VPS53: variants seen among roughly 807,000 people sequenced by gnomAD.
VPS53 encodes VPS53 subunit of GARP complex, also known as vacuolar protein sorting-associated protein 53 homolog.
A neutral mutation model predicts 107.0 loss-of-function variants in VPS53; 70 were observed. The ratio of observed to expected loss-of-function variants is 0.65; its 90% CI spans 0.54 to 0.80. The LOEUF (loss-of-function observed/expected upper bound fraction) is 0.80, where lower values mean the gene tolerates loss of function less well. Ranked by LOEUF, VPS53 falls within the 30% of genes least tolerant of loss-of-function variation. VPS53 has a pLI of 0.00. For missense variants in VPS53, 917 were observed against 1,049.4 expected, an observed-to-expected ratio of 0.87 and a Z score of 1.74; for synonymous variants, 409 against 393.3, an observed-to-expected ratio of 1.04 and a Z score of -0.47.
At chr17:564,224 G>A (rs757575723) in intron 13 of VPS53, among the ~76,000 whole-genome samples, 3 of 151,822 alleles carry the variant, frequency 2.0e-5, no homozygotes, top group Admixed American at 1.3e-4. Flanking sequence ...GCAAAACCCC[G>A]TCTCTACTAA....
At chr17:601,095 C>T (rs950934450) in intron 12 of VPS53, 1 of 152,124 alleles carries the variant, frequency 6.6e-6, no homozygotes, top group Admixed American at 6.6e-5. Context: ...AAAACAATAC[C>T]GTAAAATAAT....
rs1967064956 is a variant in VPS53 at position 582,239 on chromosome 17, C to T, written c.1313+4031G>A. Among the ~76,000 whole-genome samples the T allele has an allele frequency of 1.4e-5, 2 of 146,260 alleles. 1 individual carries two copies. Among genetic ancestry groups the T allele is most frequent in the Non-Finnish European group, 3.0e-5 (2 of 66,676 alleles). On this transcript the variant is annotated intron_variant, in intron 13 of 21. Coordinates refer to ENST00000437048, the MANE Select transcript of VPS53 (RefSeq NM_001128159.3). The stretch of plus-strand genomic sequence containing the variant: ...CAGAACCTAATGTGTTCCCAGAGAA[C>T]CTCCCTCAGAACCTCAGTGCATTCT...
intron 17 of VPS53, chr17:540,256 T>A (rs1450442994): frequency 6.6e-6 from 1 of 152,164 alleles, no homozygotes; most frequent in Non-Finnish European, 1.5e-5. Context: ...CAATCATAGT[T>A]CACTGCAGCC....
At chr17:639,342 C>T (rs992721054) in intron 7 of VPS53, among the ~76,000 whole-genome samples, 1 of 152,124 alleles carries the variant, frequency 6.6e-6, no homozygotes, top group Non-Finnish European at 1.5e-5. Context: ...AGGTTTTTAG[C>T]TTCTTTGTGA....
chr17:657,583 T>G, intron 5 of VPS53: 1 of 843,976 alleles, frequency 1.2e-6, no homozygotes, highest in South Asian at 1.4e-5. Context: ...ACCTTTGTCT[T>G]CCGGTGCACA....
chr17:612,267 G>A (rs12452280), intron 11 of VPS53, among the ~76,000 whole-genome samples: 7,610 of 107,368 alleles, frequency 0.071, 500 homozygotes, highest in East Asian at 0.16. Flanking sequence ...TTCACATAGT[G>A]AGTTCACACA....
chr17:612,169 C>G (rs1194861273), intron 11 of VPS53, among the ~76,000 whole-genome samples: 1 of 151,598 alleles, frequency 6.6e-6, no homozygotes, highest in Non-Finnish European at 1.5e-5. Context: ...TACAAATATT[C>G]ATAGTGAGTT....
rs370619158 is a variant in VPS53 at position 714,580 on chromosome 17, C to T, written c.87+43G>A. The stretch of plus-strand genomic sequence containing the variant: ...CCAGCGCCCGGAGCTGCCGTCTCCC[C>T]TCCCGCACTCCCGTTTCCCCTCCTG... On this transcript the variant is annotated intron_variant, in intron 1 of 21. Transcript: ENST00000437048. 1.1e-5 allele frequency: 18 copies of T among 1,570,296 alleles called. No homozygotes were observed. In the African/African-American group the frequency reaches 2.3e-4, roughly 20 times the overall value.
chr17:536,727 T>C, intron 18 of VPS53: 1 of 307,976 alleles, frequency 3.2e-6, no homozygotes, highest in Non-Finnish European at 6.2e-6. Context: ...CAGTTGAGTA[T>C]GACACTGAAA....
At chr17:690,525 T>C (rs1202631191) in intron 4 of VPS53, among the ~76,000 whole-genome samples, 1 of 152,260 alleles carries the variant, frequency 6.6e-6, no homozygotes, top group Non-Finnish European at 1.5e-5. Context: ...CACTTGTGAC[T>C]ATCCCCTTAG....
intron 11 of VPS53, among the ~76,000 whole-genome samples, chr17:614,600 G>A (rs1427324878): frequency 5.9e-5 from 9 of 152,234 alleles, no homozygotes; most frequent in Non-Finnish European, 7.4e-5. Flanking sequence ...TGTCACTGTC[G>A]GAGACAGATG....
In VPS53 at chr17:702,083, C is replaced by T. The variant is rs375273973; in HGVS notation, c.169-2703G>A. Among the ~76,000 whole-genome samples, 11 of 152,120 alleles carry T rather than the reference C, an allele frequency of 7.2e-5. 2 individuals are homozygous for T. The East Asian group carries it at 9.7e-4, about 13-fold the overall frequency. ...TGTAGCTTTTAAAAAGAACAGAGGC[C>T]GGGTGTGGAGGCTTATGTCTGTCCT... On this transcript the variant is annotated intron_variant, in intron 2 of 21. Coordinates refer to ENST00000437048, the MANE Select transcript of VPS53 (RefSeq NM_001128159.3).
intron 1 of VPS53, 97 bp downstream of exon 1, chr17:714,526 C>T (rs565549521): frequency 3.9e-5 from 47 of 1,201,742 alleles, no homozygotes; most frequent in Middle Eastern, 4.6e-4. Context: ...CGCGAGCCCC[C>T]GGCCCTCCGT....
intron 4 of VPS53, among the ~76,000 whole-genome samples, chr17:662,963 TCA>T (rs1971534827): frequency 1.3e-5 from 2 of 151,512 alleles, no homozygotes; most frequent in African/African-American, 4.9e-5. Context: ...TCCCAGCACT[TCA>T]GAGGCTGAGG....
At position 675,926 on chromosome 17, in the gene VPS53, C is replaced by T. The variant is rs550761579; in HGVS notation, c.286-14031G>A. On this transcript the variant is annotated intron_variant, in intron 4 of 21. Transcript: ENST00000437048. Reference sequence around the variant, plus strand: ...ATACAATACCTAGAAACGAACACAGCATCTGTTCAGAGTCTACGATGCAAT... The same window carrying T: ...ATACAATACCTAGAAACGAACACAGTATCTGTTCAGAGTCTACGATGCAAT... Among the ~76,000 whole-genome samples, 5 of 152,212 alleles carry T rather than the reference C, an allele frequency of 3.3e-5. No individual in the cohort carries two copies. The South Asian group carries it at 1.0e-3, about 32-fold the overall frequency.
rs1908158213 is a variant in VPS53, at chr17:514,480, AGTGCTCTTCCT to A, written c.*4637_*4647del. 1.4e-5 allele frequency: 2 copies of A among 145,076 alleles called. No individual in the cohort carries two copies. The highest frequency in any genetic ancestry group is 2.6e-5 in the African/African-American group (1 of 38,068). The allele number at this position is 145,076 out of a possible 1,614,324, so 9.0% of individuals were successfully genotyped here. A position where few individuals can be genotyped will look rare whatever the true frequency, so the allele number is the denominator to read the frequency against. On this transcript the variant is annotated 3_prime_UTR_variant, in exon 22 of 22. Transcript: ENST00000437048. Reference sequence around the variant, plus strand: ...ATCCCATTTCCAGCAGGTTATTCTGAGTGCTCTTCCTAGCCAAGGAATCCCATTTCCAGCAG... The same window carrying A: ...ATCCCATTTCCAGCAGGTTATTCTGAAGCCAAGGAATCCCATTTCCAGCAG...
At chr17:676,222 C>G (rs1972153664) in intron 4 of VPS53, 1 of 152,202 alleles carries the variant, frequency 6.6e-6, no homozygotes, top group Non-Finnish European at 1.5e-5. Flanking sequence ...TGAATCTGTG[C>G]TCTTCTAAAT....
chr17:560,469 T>C lies in VPS53; in HGVS notation c.1661A>G (p.Asn554Ser). 1 of 1,612,984 alleles carries C rather than the reference T, an allele frequency of 6.2e-7. No individual in the cohort carries two copies. Among genetic ancestry groups the C allele is most frequent in the Non-Finnish European group, 8.5e-7 (1 of 1,179,992 alleles). The change falls in exon 15 of 22, where the codon AAC (asparagine) becomes AGC (serine). Residue 554 changes from asparagine to serine, a missense_variant. Transcript: ENST00000437048. The part of the protein sequence containing the change: ...FTLEELCLIC[N>S]ILSTAEYCLA... ...ACAGTACTCTGCCGTGCTCAGGATG[T>C]TACAGATGAGGCAGAGCTCCTCCAG...
At chr17:667,940 G>A (rs965372073) in intron 4 of VPS53, among the ~76,000 whole-genome samples, 1 of 152,128 alleles carries the variant, frequency 6.6e-6, no homozygotes, top group Admixed American at 6.6e-5. Context: ...CTCCTTAACA[G>A]AATCTAACTA....
Sources: allele counts gnomAD v4.1 joint callset (sites outside exome capture counted in the v4.1 genomes callset), GRCh38; gene constraint gnomAD v4.1.1; transcripts MANE v1.5; gene names NCBI Gene and HGNC (gene_info 2026-07-23, HGNC 2026-07-21).